Variants in GRIN1 observed in about 807,000 individuals in gnomAD.
The protein encoded by GRIN1 is glutamate ionotropic receptor NMDA type subunit 1, also known as glutamate receptor ionotropic, NMDA 1.
GRIN1 carries 38 observed loss-of-function variants against 103.0 expected under a neutral mutation model. The ratio of observed to expected loss-of-function variants is 0.37; its 90% CI spans 0.28 to 0.48. GRIN1 has a LOEUF of 0.48. GRIN1 is among the 20% of genes least tolerant of loss of function. GRIN1 has a pLI of 0.98. For missense variants in GRIN1, 577 were observed against 1,288.9 expected, an observed-to-expected ratio of 0.45 and a Z score of 8.46; for synonymous variants, 544 against 532.7, an observed-to-expected ratio of 1.02 and a Z score of -0.29.
At chr9:137,149,180 A>G in intron 4 of GRIN1, 71 bp downstream of exon 4, 1 of 1,058,496 alleles carries the variant, frequency 9.4e-7, no homozygotes. Context: ...CATCTGAGCC[A>G]GAGCTGGGAC....
At chr9:137,154,641 G>A (rs1214650747) in intron 4 of GRIN1, among the ~76,000 whole-genome samples, 5 of 149,360 alleles carry the variant, frequency 3.3e-5, no homozygotes, top group Admixed American at 6.7e-5. Context: ...TTGTAGAGAC[G>A]GGGTTTCTCC....
At chr9:137,144,384 G>A (rs976649257) in intron 2 of GRIN1, among the ~76,000 whole-genome samples, 4 of 151,860 alleles carry the variant, frequency 2.6e-5, no homozygotes, top group South Asian at 4.2e-4. Flanking sequence ...GCCGGGCGCG[G>A]TGGCTCACGC....
At chr9:137,165,957 C>T (rs1193827835) in intron 19 of GRIN1, among the ~76,000 whole-genome samples, 1 of 152,222 alleles carries the variant, frequency 6.6e-6, no homozygotes, top group Admixed American at 6.5e-5. Flanking sequence ...GGAACTGGCC[C>T]CGGCCACAGG....
In GRIN1 at chr9:137,167,481, G is replaced by C. The variant is rs1208324966; in HGVS notation, c.2771G>C (p.Arg924Thr). 6.4e-7 allele frequency: 1 copy of C among 1,559,892 alleles called. No individual in the cohort carries two copies. The highest frequency in any genetic ancestry group is 8.7e-7 in the Non-Finnish European group (1 of 1,151,982). Residue 924 changes from arginine (R) to threonine (T), a missense_variant, in exon 20 of 20, where the codon AGG (arginine) becomes ACG (threonine). Physicochemically the swap from Arg to Thr is moderately conservative, Grantham distance 71. Coordinates refer to ENST00000371561, the MANE Select transcript of GRIN1 (RefSeq NM_007327.4). ...GTGCTGCCGCGACGCGCTATTGAGA[G>C]GGAGGAGGGCCAGCTGCAGCTGTGT... is the stretch of plus-strand genomic sequence containing the variant. ...DTVLPRRAIE[R>T]EEGQLQLCSR...
At position 137,167,982 on chromosome 9, in the gene GRIN1, C is replaced by T. The variant is rs906572435; in HGVS notation, c.*455C>T. On this transcript the variant is annotated 3_prime_UTR_variant, in exon 20 of 20. Transcript: ENST00000371561. ...CTCCCGTCCGTCCGCCCGCCCACCC[C>T]GCTGCCTGGCGGGCAGCCCCTGCTG... 64 of 778,514 alleles carry T rather than the reference C, an allele frequency of 8.2e-5. No individual in the cohort carries two copies. Among genetic ancestry groups the T allele is most frequent in the Non-Finnish European group, 1.1e-4 (50 of 461,708 alleles). The allele number at this position is 778,514 out of a possible 1,614,324, so 48.2% of individuals were successfully genotyped here.
Position 137,142,303 on chromosome 9 carries a change from G to A in GRIN1, c.393+156G>A, listed in dbSNP as rs115185273. Among the ~76,000 whole-genome samples the A allele has an allele frequency of 3.9e-3, 601 of 152,320 alleles. 4 individuals carry two copies. Among genetic ancestry groups the A allele is most frequent in the African/African-American group, 0.014 (573 of 41,582 alleles). The stretch of plus-strand genomic sequence containing the variant: ...TTCATGCACGTCCACACGCTCTCAC[G>A]TGTCCAACTCACACATCTGCAAACA... On this transcript the variant is annotated intron_variant, in intron 2 of 19. Coordinates refer to ENST00000371561, the MANE Select transcript of GRIN1 (RefSeq NM_007327.4).
intron 19 of GRIN1, 92 bp from the exon 20 acceptor site, chr9:137,167,319 G>A (rs1833934017): frequency 1.2e-5 from 12 of 993,238 alleles, no homozygotes; most frequent in Non-Finnish European, 1.9e-5. Context: ...TCCTGTGGCC[G>A]GTCCGGGCCA....
intron 9 of GRIN1, 23 bp downstream of exon 9, chr9:137,161,220 GGGGCGCGGGGCA>G (rs753555874): frequency 6.2e-7 from 1 of 1,604,712 alleles, no homozygotes. Context: ...GGCAGGGCGC[GGGGCGCGGGGCA>G]GGGCGCGGGG....
chr9:137,161,829 C>A, intron 10 of GRIN1, 95 bp from the exon 11 acceptor site: 7 of 1,291,584 alleles, frequency 5.4e-6, no homozygotes, highest in Middle Eastern at 2.5e-4. Flanking sequence ...GGGAGAAGAC[C>A]CCCGGAGTGC....
chr9:137,166,091 C>T (rs897751082), intron 19 of GRIN1, among the ~76,000 whole-genome samples: 9 of 152,138 alleles, frequency 5.9e-5, no homozygotes, highest in African/African-American at 2.2e-4. Flanking sequence ...GGGGCGGCCC[C>T]ACAAGCCCTG....
At position 137,162,524 on chromosome 9, in the gene GRIN1, C is replaced by T; in HGVS notation, c.1864+8C>T. The T allele has an allele frequency of 6.2e-7, 1 of 1,610,788 alleles. No homozygotes were observed. Among genetic ancestry groups the T allele is most frequent in the East Asian group, 2.2e-5 (1 of 44,840 alleles). On this transcript the variant is annotated splice_region_variant and intron_variant, in intron 13 of 19. Transcript: ENST00000371561. ...ACTCCGGCATCGGGGAAGGTAAGGC[C>T]CCGCCCGGCCCGCCTGGTCCCGCCT... is the stretch of plus-strand genomic sequence containing the variant.
chr9:137,159,016 A>C (rs1423469392), intron 8 of GRIN1, among the ~76,000 whole-genome samples: 1 of 152,186 alleles, frequency 6.6e-6, no homozygotes, highest in Non-Finnish European at 1.5e-5. Flanking sequence ...GGGGGACAGC[A>C]GGCAGACCTC....
At chr9:137,165,979 C>T (rs944739331) in intron 19 of GRIN1, among the ~76,000 whole-genome samples, 1 of 152,174 alleles carries the variant, frequency 6.6e-6, no homozygotes, top group Non-Finnish European at 1.5e-5. Flanking sequence ...GACTGTCAGG[C>T]AGGGAGTGGG....
At position 137,161,280 on chromosome 9, in the gene GRIN1, C is replaced by T. The variant is rs1004100995; in HGVS notation, c.1340-9C>T. ...TGGAGCCCAGCAGTTACCGCCCGCA[C>T]CTACCCAGCCCGCCACACGGTGCCT... is the stretch of plus-strand genomic sequence containing the variant. On this transcript the variant is annotated splice_polypyrimidine_tract_variant and intron_variant, in intron 9 of 19. Transcript: ENST00000371561. 1 of 1,611,956 alleles carries T rather than the reference C, an allele frequency of 6.2e-7. No individual in the cohort carries two copies. Among genetic ancestry groups the T allele is most frequent in the Non-Finnish European group, 8.5e-7 (1 of 1,179,546 alleles).
intron 8 of GRIN1, among the ~76,000 whole-genome samples, chr9:137,159,696 G>T (rs1445778009): frequency 6.6e-6 from 1 of 152,212 alleles, no homozygotes; most frequent in Non-Finnish European, 1.5e-5. Context: ...AAAAATACTA[G>T]CATATATATT....
chr9:137,153,770 A>G (rs538857567), intron 4 of GRIN1, among the ~76,000 whole-genome samples: 30 of 152,272 alleles, frequency 2.0e-4, no homozygotes, highest in Admixed American at 1.6e-3. Context: ...ATATGCATAC[A>G]CTGACCACAG....
At chr9:137,166,597 C>T (rs982972002) in intron 19 of GRIN1, among the ~76,000 whole-genome samples, 1 of 152,270 alleles carries the variant, frequency 6.6e-6, no homozygotes, top group African/African-American at 2.4e-5. Flanking sequence ...CGAGATGAAG[C>T]CACCAGGGTG....
At position 137,156,584 on chromosome 9, in the gene GRIN1, G is replaced by C. The variant is rs546864745; in HGVS notation, c.672-85G>C. 2.1e-4 allele frequency: 316 copies of C among 1,534,388 alleles called. 2 individuals carry two copies. In the South Asian group the frequency reaches 3.6e-3, roughly 17 times the overall value. On this transcript the variant is annotated intron_variant, in intron 4 of 19. Transcript: ENST00000371561. ...GGGGATGGGGGCTGGGCAGGTCCCT[G>C]CTCCAGAGGAGGAGGACCTGGGCCT...
chr9:137,160,424 A>G (rs1007263494), intron 8 of GRIN1, among the ~76,000 whole-genome samples: 3 of 150,972 alleles, frequency 2.0e-5, no homozygotes, highest in African/African-American at 7.3e-5. Flanking sequence ...CCTCTGCTGG[A>G]GGGAATCATG....
Sources: gnomAD v4.1 joint callset for allele counts (sites outside exome capture counted in the v4.1 genomes callset) on GRCh38, gnomAD v4.1.1 for gene constraint, MANE v1.5 for transcripts, NCBI Gene and HGNC (gene_info 2026-07-23, HGNC 2026-07-21) for gene names.